Variants in PRKG1 observed in about 807,000 individuals in gnomAD.
PRKG1 encodes protein kinase cGMP-dependent 1.
Under a neutral mutation model 88.1 loss-of-function variants are expected in PRKG1, and 35 were observed. The observed-to-expected ratio is 0.40, with a 90% confidence interval of 0.30 to 0.53. The LOEUF is 0.53. Ranked by LOEUF, PRKG1 falls within the 20% of genes least tolerant of loss-of-function variation. The pLI is 0.59. For synonymous variants in PRKG1, 303 were observed against 292.5 expected (o/e 1.04, Z -0.37); for missense variants, 540 against 839.8 (o/e 0.64, Z 4.41).
At chr10:52,188,266 ATG>A (rs1839263036) in intron 9 of PRKG1, among the ~76,000 whole-genome samples, 2 of 4,880 alleles carry the variant, frequency 4.1e-4, no homozygotes, top group African/African-American at 5.3e-4. Context: ...ATATATACAT[ATG>A]TATATATATA....
intron 2 of PRKG1, among the ~76,000 whole-genome samples, chr10:51,457,923 A>G (rs550163594): frequency 6.6e-6 from 1 of 152,290 alleles, no homozygotes; most frequent in South Asian, 2.1e-4. Context: ...TTTCAAAGCA[A>G]GTCCTCTCAC....
At chr10:51,450,767 G>A (rs1351831328) in intron 2 of PRKG1, among the ~76,000 whole-genome samples, 1 of 151,724 alleles carries the variant, frequency 6.6e-6, no homozygotes, top group Admixed American at 6.6e-5. Context: ...GCTTTGTGAA[G>A]AAGCTGAGTT....
chr10:52,051,205 G>A (rs1160893835), intron 5 of PRKG1, among the ~76,000 whole-genome samples: 3 of 152,172 alleles, frequency 2.0e-5, no homozygotes, highest in Non-Finnish European at 4.4e-5. Context: ...AAAAGGAGAT[G>A]GATGAGGGGA....
chr10:51,496,084 A>G (rs1197403822), intron 3 of PRKG1, among the ~76,000 whole-genome samples: 2 of 152,202 alleles, frequency 1.3e-5, no homozygotes, highest in African/African-American at 4.8e-5. Flanking sequence ...TCTTTGTAGC[A>G]AACAAAGAGT....
At chr10:52,073,218 AG>A (rs1846545933) in intron 7 of PRKG1, among the ~76,000 whole-genome samples, 1 of 152,190 alleles carries the variant, frequency 6.6e-6, no homozygotes, top group Non-Finnish European at 1.5e-5. Context: ...CATTGAATGG[AG>A]GGCCCACCCT....
At chr10:52,071,169 A>G (rs1846486839) in intron 7 of PRKG1, among the ~76,000 whole-genome samples, 1 of 152,064 alleles carries the variant, frequency 6.6e-6, no homozygotes, top group South Asian at 2.1e-4. Context: ...TTGATTCAGA[A>G]GGTACATGTG....
In PRKG1 at chr10:51,095,219, C is replaced by T. The variant is rs188398768; in HGVS notation, c.311+20318C>T. On this transcript the variant is annotated intron_variant, in intron 1 of 17. Transcript: ENST00000373980. ...ATCTAGTTCTGTACTCTCTCATTTT[C>T]CATGCTGACTTTTAGTTTCGGGATG... Among the ~76,000 whole-genome samples the T allele has an allele frequency of 2.4e-3, 362 of 152,202 alleles. 3 individuals carry two copies. The highest frequency in any genetic ancestry group is 8.3e-3 in the African/African-American group (343 of 41,532).
chr10:51,271,259 A>ATT (rs368680678), intron 2 of PRKG1, among the ~76,000 whole-genome samples: 1 of 144,670 alleles, frequency 6.9e-6, no homozygotes, highest in Non-Finnish European at 1.5e-5. Context: ...AAGAAATATG[A>ATT]TTTTTTTTTT....
intron 3 of PRKG1, among the ~76,000 whole-genome samples, chr10:51,470,732 G>A (rs1409574111): frequency 6.6e-6 from 1 of 151,806 alleles, no homozygotes; most frequent in Non-Finnish European, 1.5e-5. Flanking sequence ...TCTAAGATTA[G>A]GTTATCAAGA....
At chr10:51,877,836 C>T (rs1370186116) in intron 4 of PRKG1, among the ~76,000 whole-genome samples, 2 of 152,188 alleles carry the variant, frequency 1.3e-5, no homozygotes, top group Non-Finnish European at 2.9e-5. Flanking sequence ...CAACTTCCCA[C>T]CTCATGGTGG....
At chr10:52,013,418 CA>C (rs200943011) in intron 5 of PRKG1, among the ~76,000 whole-genome samples, 225 of 109,626 alleles carry the variant, frequency 2.1e-3, no homozygotes, top group Admixed American at 2.4e-3. Flanking sequence ...GACTCCGTCT[CA>C]AAAAAAAAAA....
At chr10:52,138,334 A>G (rs1198427119) in intron 8 of PRKG1, among the ~76,000 whole-genome samples, 2 of 151,866 alleles carry the variant, frequency 1.3e-5, no homozygotes, top group Admixed American at 6.6e-5. Context: ...CTTTCCTTTC[A>G]CCTCTGATAA....
intron 3 of PRKG1, among the ~76,000 whole-genome samples, chr10:51,616,481 TC>T (rs1839059299): frequency 1.3e-5 from 2 of 151,882 alleles, no homozygotes; most frequent in South Asian, 2.1e-4. Context: ...CAGTCTACAG[TC>T]CCCCAGGTGG....
chr10:51,639,436 C>CAAAAAAAAAA (rs769304908), intron 3 of PRKG1, among the ~76,000 whole-genome samples: 5 of 31,796 alleles, frequency 1.6e-4, no homozygotes, highest in African/African-American at 9.2e-4. Context: ...GACTCCATCT[C>CAAAAAAAAAA]AAAAAAAAAA....
At chr10:52,035,907 G>T (rs9651335) in intron 5 of PRKG1, among the ~76,000 whole-genome samples, 8,341 of 152,192 alleles carry the variant, frequency 0.055, 608 homozygotes, top group East Asian at 0.43. Context: ...GGACAGAAAG[G>T]CTACAGGGTG....
chr10:51,551,754 A>G (rs1441479100), intron 3 of PRKG1, among the ~76,000 whole-genome samples: 1 of 151,794 alleles, frequency 6.6e-6, no homozygotes, highest in Non-Finnish European at 1.5e-5. Context: ...TTTCGACTAC[A>G]TCATGGAAAT....
Position 52,282,175 on chromosome 10 carries a change from A to G in PRKG1, c.1568A>G (p.Lys523Arg), listed in dbSNP as rs1842016542. The G allele has an allele frequency of 6.2e-7, 1 of 1,604,726 alleles. No individual in the cohort carries two copies. Among genetic ancestry groups the G allele is most frequent in the Non-Finnish European group, 8.5e-7 (1 of 1,174,976 alleles). The change falls in exon 14 of 18, where the codon AAA becomes AGA. Residue 523 changes from lysine (K) to arginine (R), a missense_variant. Lys to Arg is a conservative substitution (Grantham distance 26). Around this residue, in one of 5 missense-constraint regions of PRKG1, gnomAD observed 97 missense variants for 210.6 expected, o/e 0.46. Coordinates refer to ENST00000373980, the MANE Select transcript of PRKG1 (RefSeq NM_006258.4). ...AKLVDFGFAK[K>R]IGFGKKTWTF... ...AAGGTTGATTTTGGCTTTGCAAAGA[A>G]AATAGGATTTGGAAAGAAAACATGG...
chr10:52,121,372 G>A (rs1016310334), intron 7 of PRKG1, among the ~76,000 whole-genome samples: 1 of 152,150 alleles, frequency 6.6e-6, no homozygotes, highest in Non-Finnish European at 1.5e-5. Flanking sequence ...TTGACCACAC[G>A]GTTAGTATTC....
chr10:51,985,110 T>C (rs1364285933), intron 5 of PRKG1, among the ~76,000 whole-genome samples: 1 of 152,224 alleles, frequency 6.6e-6, no homozygotes, highest in Non-Finnish European at 1.5e-5. Context: ...AACTTTTCCT[T>C]CATAGAGCAT....
Sources: allele counts gnomAD v4.1 joint callset (sites outside exome capture counted in the v4.1 genomes callset), GRCh38; gene constraint gnomAD v4.1.1; regional missense constraint gnomAD v4.1.1; transcripts MANE v1.5; gene names NCBI Gene and HGNC (gene_info 2026-07-23, HGNC 2026-07-21).